SLC44A5: variants seen among roughly 807,000 people sequenced by gnomAD.
The protein encoded by SLC44A5 is solute carrier family 44 member 5.
Under a neutral mutation model 101.8 loss-of-function variants are expected in SLC44A5, and 57 were observed. That is an observed-to-expected ratio of 0.56 (90% CI 0.45 to 0.70). SLC44A5 has a LOEUF of 0.70. Among genes scored for constraint, SLC44A5 ranks in the 30% least tolerant of loss-of-function variants. The pLI is 0.00. For synonymous variants in SLC44A5, 281 were observed against 290.9 expected (o/e 0.97, Z 0.35); for missense variants, 737 against 853.1 (o/e 0.86, Z 1.70).
chr1:75,588,944 A>T (rs1243943564), intron 1 of SLC44A5, among the ~76,000 whole-genome samples: 1 of 152,194 alleles, frequency 6.6e-6, no homozygotes, highest in Non-Finnish European at 1.5e-5. Flanking sequence ...TCAGGGAGTT[A>T]TGGGAACAAG....
the SLC44A5 span, among the ~76,000 whole-genome samples, chr1:75,719,212 A>C: frequency 6.6e-6 from 1 of 152,214 alleles, no homozygotes; most frequent in Admixed American, 6.5e-5. Context: ...CCTCAAGAAG[A>C]GAGAAATTTG....
intron 19 of SLC44A5, among the ~76,000 whole-genome samples, 199 bp downstream of exon 19, chr1:75,215,555 G>A (rs1646943971): frequency 6.6e-6 from 1 of 151,924 alleles, no homozygotes; most frequent in African/African-American, 2.4e-5. Flanking sequence ...GATATTGAAG[G>A]TAATAATAAA....
chr1:75,373,670 C>A (rs549054230), intron 3 of SLC44A5, among the ~76,000 whole-genome samples: 1 of 152,128 alleles, frequency 6.6e-6, no homozygotes, highest in Non-Finnish European at 1.5e-5. Flanking sequence ...CTGATCCACA[C>A]GCTGCCTTGT....
At chr1:75,480,407 A>G (rs2101770942) in intron 2 of SLC44A5, among the ~76,000 whole-genome samples, 1 of 152,310 alleles carries the variant, frequency 6.6e-6, no homozygotes, top group East Asian at 1.9e-4. Context: ...GGCCAGGGCA[A>G]TTAGGCAGGA....
the SLC44A5 span, among the ~76,000 whole-genome samples, chr1:75,634,934 T>C: frequency 6.6e-6 from 1 of 152,052 alleles, no homozygotes; most frequent in South Asian, 2.1e-4. Context: ...ATATCTAGAA[T>C]CTACAATGAA....
chr1:75,363,028 C>A (rs1158657503), intron 3 of SLC44A5, among the ~76,000 whole-genome samples: 1 of 151,860 alleles, frequency 6.6e-6, no homozygotes, highest in East Asian at 1.9e-4. Flanking sequence ...TTTGCATATC[C>A]TCTCGATAAA....
chr1:75,648,383 T>C, the SLC44A5 span, among the ~76,000 whole-genome samples: 103 of 152,314 alleles, frequency 6.8e-4, no homozygotes, highest in South Asian at 1.9e-3. Context: ...GAGAATGAAC[T>C]AATACAACAG....
chr1:75,701,897 C>G, the SLC44A5 span, among the ~76,000 whole-genome samples: 2 of 152,154 alleles, frequency 1.3e-5, no homozygotes, highest in Non-Finnish European at 2.9e-5. Flanking sequence ...TGAGTGAACT[C>G]CCATTCACAA....
At chr1:75,224,657 A>T (rs1438062603) in intron 13 of SLC44A5, among the ~76,000 whole-genome samples, 8 of 152,032 alleles carry the variant, frequency 5.3e-5, no homozygotes, top group Non-Finnish European at 8.8e-5. Context: ...GCTGGTCTTG[A>T]ACTCCTGGGC....
chr1:75,637,792 T>C, the SLC44A5 span, among the ~76,000 whole-genome samples: 161 of 152,124 alleles, frequency 1.1e-3, no homozygotes, highest in African/African-American at 3.8e-3. Context: ...AAAAATATTT[T>C]ATTGGGAAAA....
At chr1:75,421,019 G>C (rs1340780075) in intron 2 of SLC44A5, among the ~76,000 whole-genome samples, 1 of 151,936 alleles carries the variant, frequency 6.6e-6, no homozygotes, top group African/African-American at 2.4e-5. Flanking sequence ...AATCTCTTTG[G>C]AATATAATAT....
chr1:75,521,398 A>G (rs996757385), intron 2 of SLC44A5, among the ~76,000 whole-genome samples: 32 of 152,168 alleles, frequency 2.1e-4, no homozygotes, highest in African/African-American at 7.7e-4. Context: ...TATAAAAAAA[A>G]TCACAACTTC....
chr1:75,266,971 G>T (rs1229822285), intron 6 of SLC44A5, among the ~76,000 whole-genome samples: 1 of 152,194 alleles, frequency 6.6e-6, no homozygotes, highest in Non-Finnish European at 1.5e-5. Flanking sequence ...AGATGAGATT[G>T]TCAGCACTAT....
In SLC44A5 at chr1:75,537,033, AATAT is replaced by A. The variant is rs61399659; in HGVS notation, c.13+4398_13+4401del. 8.5e-3 allele frequency among the ~76,000 whole-genome samples: 368 copies of A among 43,074 alleles called. 42 individuals carry two copies. Among genetic ancestry groups the A allele is most frequent in the Admixed American group, 0.082 (229 of 2,790 alleles). The allele number at this position is 43,074 out of a possible 152,430, so 28.3% of individuals were successfully genotyped here. The stretch of plus-strand genomic sequence containing the variant: ...AAAAAAAAAAAAAAAAAAAAAAAAA[AATAT>A]ATATCTATGCCAAATGATTCTGAAT... On this transcript the variant is annotated intron_variant, in intron 2 of 23. Coordinates refer to ENST00000370859, the MANE Select transcript of SLC44A5 (RefSeq NM_001130058.2).
intron 2 of SLC44A5, among the ~76,000 whole-genome samples, chr1:75,523,601 C>T (rs540414399): frequency 2.6e-5 from 4 of 152,260 alleles, no homozygotes; most frequent in East Asian, 3.9e-4. Flanking sequence ...GGATTACAGG[C>T]GTGAGCCACC....
chr1:75,401,093 G>A (rs762513131), intron 2 of SLC44A5, among the ~76,000 whole-genome samples: 3 of 152,132 alleles, frequency 2.0e-5, no homozygotes, highest in South Asian at 2.1e-4. Context: ...CCTGAAGTCC[G>A]GAAGCCCAAG....
chr1:75,698,525 A>C, the SLC44A5 span, among the ~76,000 whole-genome samples: 1 of 152,258 alleles, frequency 6.6e-6, no homozygotes, highest in African/African-American at 2.4e-5. Context: ...TCAAAGACCA[A>C]AACTAGATAA....
At chr1:75,621,946 G>T in the SLC44A5 span, among the ~76,000 whole-genome samples, 28 of 152,066 alleles carry the variant, frequency 1.8e-4, no homozygotes, top group Non-Finnish European at 7.4e-5. Context: ...CCTACCCCAT[G>T]CCACACACCA....
intron 3 of SLC44A5, among the ~76,000 whole-genome samples, chr1:75,393,009 T>A (rs1275665689): frequency 6.6e-6 from 1 of 151,922 alleles, no homozygotes; most frequent in Non-Finnish European, 1.5e-5. Context: ...AAGATGGGAG[T>A]GAGGATGGGG....
Sources: allele counts gnomAD v4.1 joint callset (sites outside exome capture counted in the v4.1 genomes callset), GRCh38; gene constraint gnomAD v4.1.1; transcripts MANE v1.5; gene names NCBI Gene and HGNC (gene_info 2026-07-23, HGNC 2026-07-21).